DOCK2: variants seen among roughly 807,000 people sequenced by gnomAD.
DOCK2 encodes dedicator of cytokinesis 2, also known as dedicator of cytokinesis protein 2.
DOCK2 carries 87 observed loss-of-function variants against 248.9 expected under a neutral mutation model. The observed-to-expected ratio is 0.35, with a 90% CI of 0.29 to 0.42. The LOEUF (loss-of-function observed/expected upper bound fraction) is 0.42, where lower values mean the gene tolerates loss of function less well. Among genes scored for constraint, DOCK2 ranks in the 10% least tolerant of loss-of-function variants. The pLI is 1.00. For synonymous variants in DOCK2, 805 were observed against 821.6 expected (o/e 0.98, Z 0.35); for missense variants, 1,747 against 2,300.2 (o/e 0.76, Z 4.92).
At chr5:169,928,110 G>T (rs1045274474) in intron 27 of DOCK2, among the ~76,000 whole-genome samples, 2 of 152,184 alleles carry the variant, frequency 1.3e-5, no homozygotes, top group Non-Finnish European at 2.9e-5. Flanking sequence ...TCAACCTGGG[G>T]TTCCTTCAGG....
At chr5:169,941,649 C>A (rs1028128938) in intron 27 of DOCK2, among the ~76,000 whole-genome samples, 2 of 152,136 alleles carry the variant, frequency 1.3e-5, no homozygotes, top group Non-Finnish European at 2.9e-5. Context: ...CTGTGGGGAC[C>A]GTGACGGCTC....
rs145313728 is a variant in DOCK2 at position 169,842,792 on chromosome 5, A to G, written c.2799+1940A>G. Among the ~76,000 whole-genome samples, 164 of 152,280 alleles carry G rather than the reference A, an allele frequency of 1.1e-3. 5 individuals are homozygous for G. In the East Asian group the frequency reaches 0.024, roughly 22 times the overall value. On this transcript the variant is annotated intron_variant, in intron 27 of 51. Transcript: ENST00000520908. ...GCTGTATATTATTATTTTGCTTTCT[A>G]TCTGGTAGAGTGAGGCTCTCTGTCT...
chr5:169,983,954 C>T (rs1778001645), intron 28 of DOCK2, among the ~76,000 whole-genome samples: 1 of 152,222 alleles, frequency 6.6e-6, no homozygotes, highest in African/African-American at 2.4e-5. Flanking sequence ...ACTTTTCCCT[C>T]AACCTCCAAT....
At chr5:170,051,174 A>G (rs1328708020) in intron 41 of DOCK2, among the ~76,000 whole-genome samples, 2 of 152,250 alleles carry the variant, frequency 1.3e-5, no homozygotes, top group African/African-American at 4.8e-5. Context: ...ACTTGTGTGC[A>G]GAGGCCTTTG....
intron 25 of DOCK2, among the ~76,000 whole-genome samples, chr5:169,766,592 G>A (rs1048804082): frequency 6.6e-6 from 1 of 152,072 alleles, no homozygotes; most frequent in Non-Finnish European, 1.5e-5. Context: ...ATCCTCCTTT[G>A]CATACATACC....
chr5:169,685,133 G>A (rs1347596284), intron 8 of DOCK2, among the ~76,000 whole-genome samples: 2 of 152,198 alleles, frequency 1.3e-5, no homozygotes, highest in Non-Finnish European at 2.9e-5. Context: ...TGCATAATGC[G>A]AGTGCTGACC....
chr5:169,699,439 G>C lies in DOCK2; in HGVS notation c.1113G>C (p.Lys371Asn). The change falls in exon 12 of 52, where the codon AAG (lysine) becomes AAC (asparagine). Residue 371 changes from lysine to asparagine, a missense_variant. Transcript: ENST00000520908. Reference protein sequence around the residue: ...HSLLGKVIASKGDSGGQGLWV... With the variant: ...HSLLGKVIASNGDSGGQGLWV... ...TGCTGGGCAAAGTCATAGCCTCCAA[G>C]GGGGACAGTGGAGGGCAAGGTAAAG... The C allele has an allele frequency of 6.2e-7, 1 of 1,613,188 alleles. No homozygotes were observed. Among genetic ancestry groups the C allele is most frequent in the Non-Finnish European group, 8.5e-7 (1 of 1,179,460 alleles).
intron 22 of DOCK2, 144 bp downstream of exon 22, chr5:169,718,935 A>G (rs1298759771): frequency 1.8e-6 from 2 of 1,106,842 alleles, no homozygotes; most frequent in East Asian, 5.3e-5. Context: ...CCTAGAGAGT[A>G]ATGAATATGT....
At chr5:169,710,208 C>A (rs1761498776) in intron 15 of DOCK2, among the ~76,000 whole-genome samples, 1 of 152,220 alleles carries the variant, frequency 6.6e-6, no homozygotes, top group African/African-American at 2.4e-5. Flanking sequence ...CTCTCTGAAT[C>A]TGAAATGACC....
chr5:169,875,153 A>G (rs778972993), intron 27 of DOCK2: 12 of 453,884 alleles, frequency 2.6e-5, no homozygotes, highest in Admixed American at 9.5e-5. Context: ...TAGTAAATCA[A>G]GTATCTTCTT....
chr5:169,825,513 C>T (rs1332225047), intron 26 of DOCK2, among the ~76,000 whole-genome samples: 1 of 148,642 alleles, frequency 6.7e-6, no homozygotes, highest in Non-Finnish European at 1.5e-5. Context: ...AGCAAACTAT[C>T]GCAAGGACAA....
chr5:169,827,017 A>G (rs1768908884), intron 26 of DOCK2, among the ~76,000 whole-genome samples: 1 of 148,294 alleles, frequency 6.7e-6, no homozygotes, highest in Non-Finnish European at 1.5e-5. Context: ...CGTGGCACGT[A>G]GTGAGTCGGT....
At chr5:169,981,491 T>C (rs938898520) in intron 27 of DOCK2, among the ~76,000 whole-genome samples, 3 of 152,218 alleles carry the variant, frequency 2.0e-5, no homozygotes, top group African/African-American at 7.2e-5. Context: ...AATTCGGAAA[T>C]CCAAGCAATA....
intron 23 of DOCK2, among the ~76,000 whole-genome samples, chr5:169,747,979 TGG>T (rs1251061687): frequency 6.6e-6 from 1 of 152,194 alleles, no homozygotes; most frequent in Non-Finnish European, 1.5e-5. Flanking sequence ...TCCCTGTGTT[TGG>T]GAAGGAGTTG....
At chr5:169,656,758 C>T (rs1758145228) in intron 2 of DOCK2, among the ~76,000 whole-genome samples, 1 of 152,120 alleles carries the variant, frequency 6.6e-6, no homozygotes, top group Non-Finnish European at 1.5e-5. Flanking sequence ...ATGCAGTTTC[C>T]CTGAATAGAA....
intron 12 of DOCK2, 60 bp from the exon 13 acceptor site, chr5:169,699,954 G>A: frequency 6.2e-7 from 1 of 1,602,294 alleles, no homozygotes; most frequent in South Asian, 1.1e-5. Context: ...GGTGGCGGGA[G>A]GGCCGACTGA....
intron 27 of DOCK2, among the ~76,000 whole-genome samples, chr5:169,952,756 C>T (rs1195381865): frequency 6.6e-6 from 1 of 152,118 alleles, no homozygotes; most frequent in Non-Finnish European, 1.5e-5. Flanking sequence ...TTGTTCCAAG[C>T]TTCGTTTGAT....
chr5:169,675,483 A>C (rs1759279758), intron 6 of DOCK2, among the ~76,000 whole-genome samples: 1 of 152,220 alleles, frequency 6.6e-6, no homozygotes, highest in Non-Finnish European at 1.5e-5. Context: ...ATTAGGAGTA[A>C]GCCACAAGTA....
chr5:169,821,634 A>G (rs906726801), intron 26 of DOCK2, among the ~76,000 whole-genome samples: 2 of 152,232 alleles, frequency 1.3e-5, no homozygotes, highest in African/African-American at 4.8e-5. Context: ...TAAACATGGA[A>G]AGGAACAACC....
Sources: allele counts gnomAD v4.1 joint callset (sites outside exome capture counted in the v4.1 genomes callset), GRCh38; gene constraint gnomAD v4.1.1; transcripts MANE v1.5; gene names NCBI Gene and HGNC (gene_info 2026-07-23, HGNC 2026-07-21).